Variants in PRDX3 observed in about 807,000 individuals in gnomAD.
The protein encoded by PRDX3 is thioredoxin-dependent peroxide reductase, mitochondrial.
A neutral mutation model predicts 30.4 loss-of-function variants in PRDX3; 20 were observed. The observed-to-expected ratio is 0.66, with a 90% CI of 0.46 to 0.96. PRDX3 has a LOEUF of 0.96. PRDX3 is among the 40% of genes least tolerant of loss of function. PRDX3 has a pLI of 0.00. For missense variants in PRDX3, 322 were observed against 318.3 expected (o/e 1.01, Z -0.09); for synonymous variants, 124 against 117.8 (o/e 1.05, Z -0.34).
At position 119,172,455 on chromosome 10, in the gene PRDX3, G is replaced by C; in HGVS notation, c.478C>G (p.Leu160Val). 6.2e-7 allele frequency: 1 copy of C among 1,614,162 alleles called. No homozygotes were observed. Among genetic ancestry groups the C allele is most frequent in the Non-Finnish European group, 8.5e-7 (1 of 1,179,978 alleles). The stretch of plus-strand genomic sequence containing the variant: ...ATCTGCTTAGTTAAGTCTGACAAGA[G>C]TGCGATGTTCATGTGGCCCAAACCA... The part of the protein sequence containing the change: ...NGGLGHMNIA[L>V]LSDLTKQISR... Residue 160 changes from leucine (L) to valine (V), a missense_variant, in exon 5 of 7, where the codon CTC becomes GTC. Leu to Val is a conservative substitution (Grantham distance 32). Coordinates refer to ENST00000298510, the MANE Select transcript of PRDX3 (RefSeq NM_006793.5).
In PRDX3 at chr10:119,168,480, C is replaced by T; in HGVS notation, c.771G>A (p.Ter257=). 6.2e-7 allele frequency: 1 copy of T among 1,613,604 alleles called. No homozygotes were observed. The highest frequency in any genetic ancestry group is 8.5e-7 in the Non-Finnish European group (1 of 1,179,876). The change falls in exon 7 of 7, where the codon TAG becomes TAA. Residue 257 remains the stop codon, a stop_retained_variant. Coordinates refer to ENST00000298510, the MANE Select transcript of PRDX3 (RefSeq NM_006793.5). The part of the protein sequence containing the change: ...SKEYFQKVNQ[*] The stretch of plus-strand genomic sequence containing the variant: ...GAAGGTGCAGATACACATGGGTGAT[C>T]TACTGATTTACCTTCTGAAAGTACT...
At chr10:119,173,566 G>A (rs897445755) in intron 4 of PRDX3, among the ~76,000 whole-genome samples, 171 bp downstream of exon 4, 6 of 150,732 alleles carry the variant, frequency 4.0e-5, no homozygotes, top group African/African-American at 1.5e-4. Flanking sequence ...CTGAGATTGT[G>A]CCATTGCACT....
Position 119,176,933 on chromosome 10 carries a change from G to A in PRDX3, c.169+88C>T, listed in dbSNP as rs1372623724. The A allele has an allele frequency of 1.2e-5, 18 of 1,540,418 alleles. No homozygotes were observed. In the Middle Eastern group the frequency reaches 6.9e-4, roughly 59 times the overall value. ...CTGAAAGCTCCCAGGTGACTCTAAC[G>A]TTTGGCCAGGGTTCAGAGCCCCTGT... On this transcript the variant is annotated intron_variant, in intron 2 of 6. Coordinates refer to ENST00000298510, the MANE Select transcript of PRDX3 (RefSeq NM_006793.5).
At chr10:119,178,304 G>A (rs776245407) in intron 1 of PRDX3, among the ~76,000 whole-genome samples, 11 of 152,260 alleles carry the variant, frequency 7.2e-5, no homozygotes, top group Non-Finnish European at 1.3e-4. Context: ...ACACGCGGGA[G>A]TGGGATTGGG....
rs2133647335 is a variant in PRDX3 at position 119,168,442 on chromosome 10, TTC to T, written c.*36_*37del. On this transcript the variant is annotated 3_prime_UTR_variant, in exon 7 of 7. Transcript: ENST00000298510. ...TAAAAGCAGGTTTCAACTGTGGTTC[TTC>T]TCTCAGTTGAGAAGGTGCAGATACA... 1 of 1,610,356 alleles carries T rather than the reference TTC, an allele frequency of 6.2e-7. No individual in the cohort carries two copies. The highest frequency in any genetic ancestry group is 2.2e-5 in the East Asian group (1 of 44,858).
chr10:119,178,740 C>A lies in PRDX3; in HGVS notation c.36+15G>T. The A allele has an allele frequency of 6.4e-7, 1 of 1,551,366 alleles. No homozygotes were observed. The highest frequency in any genetic ancestry group is 8.7e-7 in the Non-Finnish European group (1 of 1,147,316). Reference sequence around the variant, plus strand: ...CCAGTGTCTCCACGCCTGTCCCCAGCCGACAGCCACTCACCGACGCTCGGA... The same window carrying A: ...CCAGTGTCTCCACGCCTGTCCCCAGACGACAGCCACTCACCGACGCTCGGA... On this transcript the variant is annotated intron_variant, in intron 1 of 6. Transcript: ENST00000298510.
At chr10:119,169,071 T>G in intron 6 of PRDX3, 106 bp downstream of exon 6, 1 of 1,092,866 alleles carries the variant, frequency 9.2e-7, no homozygotes, top group East Asian at 3.0e-5. Flanking sequence ...GCATATCATC[T>G]GCACGCTTGC....
At position 119,168,998 on chromosome 10, in the gene PRDX3, T is replaced by C. The variant is rs36075462; in HGVS notation, c.717+179A>G. Reference sequence around the variant, plus strand: ...AAAAAAAAAAAAAGGCCTGCCTGTCTCTGATAATTGGTTCCTGGCTCCCCA... The same window carrying C: ...AAAAAAAAAAAAAGGCCTGCCTGTCCCTGATAATTGGTTCCTGGCTCCCCA... On this transcript the variant is annotated intron_variant, in intron 6 of 6. Transcript: ENST00000298510. 9.7e-3 allele frequency among the ~76,000 whole-genome samples: 1,441 copies of C among 148,422 alleles called. 13 individuals are homozygous for C. The highest frequency in any genetic ancestry group is 0.015 in the Non-Finnish European group (1,023 of 67,410).
chr10:119,169,307 T>C lies in PRDX3; in HGVS notation c.587A>G (p.Lys196Arg). The stretch of plus-strand genomic sequence containing the variant: ...TGGGAGATCGTTGACGCTCAAATGC[T>C]TGATGACTCCATTGGGGTCAATTAT... ...LFIIDPNGVI[K>R]HLSVNDLPVG... Residue 196 changes from lysine to arginine, a missense_variant, in exon 6 of 7, where the codon AAG becomes AGG. By Grantham distance (26) the Lys-to-Arg change is conservative. Coordinates refer to ENST00000298510, the MANE Select transcript of PRDX3 (RefSeq NM_006793.5). 1 of 1,614,154 alleles carries C rather than the reference T, an allele frequency of 6.2e-7. No homozygotes were observed. Among genetic ancestry groups the C allele is most frequent in the Non-Finnish European group, 8.5e-7 (1 of 1,180,024 alleles).
chr10:119,174,097 G>GAA (rs935523009), intron 3 of PRDX3, among the ~76,000 whole-genome samples: 1 of 150,894 alleles, frequency 6.6e-6, no homozygotes, highest in Admixed American at 6.6e-5. Context: ...CATATTTTAA[G>GAA]AAAAAAAAAT....
chr10:119,173,689 C>G, intron 4 of PRDX3, 48 bp downstream of exon 4: 1 of 1,583,434 alleles, frequency 6.3e-7, no homozygotes, highest in Non-Finnish European at 8.6e-7. Context: ...AATTTAGATT[C>G]TTCCAAGCAA....
rs531576167 is a variant in PRDX3, at chr10:119,175,496, C to A, written c.170-904G>T. On this transcript the variant is annotated intron_variant, in intron 2 of 6. Transcript: ENST00000298510. ...CTGCAAGCTCTGCCTCCTGGGTTCA[C>A]GCCATTCTCCGGCCTCAGCCTCCCG... Among the ~76,000 whole-genome samples the A allele has an allele frequency of 5.3e-5, 8 of 152,198 alleles. No homozygotes were observed. The South Asian group carries it at 1.7e-3, about 32-fold the overall frequency.
chr10:119,169,152 A>G, intron 6 of PRDX3, 25 bp downstream of exon 6: 1 of 1,609,596 alleles, frequency 6.2e-7, no homozygotes, highest in Non-Finnish European at 8.5e-7. Context: ...CATGGACCTC[A>G]CTGCTTTTGG....
At chr10:119,169,376 CA>C in intron 5 of PRDX3, 34 bp from the exon 6 acceptor site, 2 of 1,588,820 alleles carry the variant, frequency 1.3e-6, no homozygotes, top group Non-Finnish European at 1.7e-6. Flanking sequence ...AGTGCCTCAA[CA>C]GTACCAGAAC....
Position 119,168,311 on chromosome 10 carries a change from T to C in PRDX3, c.*169A>G. 1 of 1,369,744 alleles carries C rather than the reference T, an allele frequency of 7.3e-7. No homozygotes were observed. The highest frequency in any genetic ancestry group is 9.6e-7 in the Non-Finnish European group (1 of 1,037,740). 84.8% of individuals were successfully genotyped at this position (1,369,744 alleles called of 1,614,324 possible). Reference sequence around the variant, plus strand: ...CCTTGTACTAGCAACTAACCATGTTTAAAAGGTCTTAGCCAGAATTACAAA... The same window carrying C: ...CCTTGTACTAGCAACTAACCATGTTCAAAAGGTCTTAGCCAGAATTACAAA... On this transcript the variant is annotated 3_prime_UTR_variant, in exon 7 of 7. Coordinates refer to ENST00000298510, the MANE Select transcript of PRDX3 (RefSeq NM_006793.5).
chr10:119,177,830 AAAT>A (rs1848075572), intron 1 of PRDX3, among the ~76,000 whole-genome samples: 1 of 151,814 alleles, frequency 6.6e-6, no homozygotes, highest in Admixed American at 6.6e-5. Context: ...AAGAAGAGCC[AAAT>A]TCAGCCTCTG....
intron 1 of PRDX3, among the ~76,000 whole-genome samples, chr10:119,178,130 T>C (rs991171408): frequency 3.3e-5 from 5 of 152,034 alleles, no homozygotes; most frequent in Admixed American, 2.6e-4. Flanking sequence ...CCCAAAGTGC[T>C]AGGATTACAG....
intron 6 of PRDX3, 112 bp downstream of exon 6, chr10:119,169,065 A>C (rs567544842): frequency 8.5e-7 from 1 of 1,170,790 alleles, no homozygotes; most frequent in African/African-American, 1.5e-5. Context: ...CCATTTGCAT[A>C]TCATCTGCAC....
chr10:119,174,450 C>T lies in PRDX3; in HGVS notation c.311+1G>A, dbSNP rs1157152698. 6.3e-7 allele frequency: 1 copy of T among 1,592,992 alleles called. No individual in the cohort carries two copies. The highest frequency in any genetic ancestry group is 8.5e-7 in the Non-Finnish European group (1 of 1,174,426). Reference sequence around the variant, plus strand: ...GAAAGCATCATAGAAATTACACTTACAAATCCAAAGGATAGAAGAAAAGCA... The same window carrying T: ...GAAAGCATCATAGAAATTACACTTATAAATCCAAAGGATAGAAGAAAAGCA... On this transcript the variant is annotated splice_donor_variant, in intron 3 of 6. Transcript: ENST00000298510. LOFTEE classifies it high-confidence loss of function.
Sources: allele counts gnomAD v4.1 joint callset (sites outside exome capture counted in the v4.1 genomes callset), GRCh38; gene constraint gnomAD v4.1.1; transcripts MANE v1.5; gene names NCBI Gene and HGNC (gene_info 2026-07-23, HGNC 2026-07-21).